The following DYM variants were observed in gnomAD, a reference collection of about 807,000 sequenced individuals.
DYM encodes the protein dyggve-Melchior-Clausen syndrome protein.
DYM carries 78 observed loss-of-function variants against 93.1 expected under a neutral mutation model. That is an observed-to-expected ratio of 0.84 (90% CI 0.70 to 1.01). The LOEUF is 1.01. DYM is among the 50% of genes least tolerant of loss of function. DYM has a pLI of 0.00. For missense variants in DYM, 789 were observed against 845.0 expected, an observed-to-expected ratio of 0.93 and a Z score of 0.82; for synonymous variants, 321 against 319.7, an observed-to-expected ratio of 1.00 and a Z score of -0.04.
intron 11 of DYM, among the ~76,000 whole-genome samples, chr18:49,259,687 T>G (rs1009826554): frequency 6.6e-6 from 1 of 152,206 alleles, no homozygotes; most frequent in South Asian, 2.1e-4. Context: ...AAGTCCATAC[T>G]CACTGAAAGA....
intron 8 of DYM, among the ~76,000 whole-genome samples, chr18:49,303,540 G>A (rs554296349): frequency 3.3e-5 from 5 of 152,252 alleles, no homozygotes; most frequent in African/African-American, 1.2e-4. Flanking sequence ...GCATTTCAGT[G>A]TATGGAATGA....
In DYM at chr18:49,219,863, C is replaced by T. The variant is rs1404298084; in HGVS notation, c.1461-10148G>A. Among the ~76,000 whole-genome samples the T allele has an allele frequency of 2.0e-5, 3 of 148,340 alleles. No individual in the cohort carries two copies. In the Admixed American group the frequency reaches 2.0e-4, roughly 10 times the overall value. On this transcript the variant is annotated intron_variant, in intron 13 of 17. Transcript: ENST00000675505. ...AACTGCCACAAGACAGGGATGCCCT[C>T]TCTCACCACTCCTATTCAACATAGT...
intron 14 of DYM, among the ~76,000 whole-genome samples, chr18:49,190,995 G>A (rs1014326280): frequency 2.0e-5 from 3 of 151,748 alleles, no homozygotes; most frequent in African/African-American, 7.3e-5. Flanking sequence ...GTCAACAGTA[G>A]GCTATTAGTA....
At chr18:49,224,087 G>C (rs764405581) in intron 13 of DYM, among the ~76,000 whole-genome samples, 21 of 152,068 alleles carry the variant, frequency 1.4e-4, no homozygotes, top group Non-Finnish European at 2.8e-4. Flanking sequence ...AAAGGAGAAT[G>C]AATGGATTTG....
chr18:49,207,796 C>G (rs1320955484), intron 14 of DYM, among the ~76,000 whole-genome samples: 1 of 144,602 alleles, frequency 6.9e-6, no homozygotes, highest in Non-Finnish European at 1.5e-5. Flanking sequence ...TAGCCAAAGC[C>G]CAAAATAGCT....
intron 14 of DYM, among the ~76,000 whole-genome samples, chr18:49,205,241 C>G (rs1340187435): frequency 6.6e-6 from 1 of 152,110 alleles, no homozygotes. Flanking sequence ...AGATTACAGG[C>G]GTGAGTCACT....
chr18:49,344,121 T>C (rs2064382963), intron 6 of DYM, among the ~76,000 whole-genome samples: 1 of 152,196 alleles, frequency 6.6e-6, no homozygotes, highest in South Asian at 2.1e-4. Flanking sequence ...CTGATGTTTT[T>C]CAAAAGTCAG....
intron 17 of DYM, among the ~76,000 whole-genome samples, chr18:49,046,298 C>T (rs1246330900): frequency 3.7e-5 from 5 of 133,404 alleles, no homozygotes; most frequent in Admixed American, 1.5e-4. Context: ...CCCAGACATG[C>T]GCGCGCACAC....
At chr18:49,372,082 T>C (rs949617293) in intron 5 of DYM, among the ~76,000 whole-genome samples, 6 of 152,210 alleles carry the variant, frequency 3.9e-5, no homozygotes, top group Admixed American at 2.6e-4. Flanking sequence ...CCCTCTACTT[T>C]TGTAAATTCG....
At position 49,375,193 on chromosome 18, in the gene DYM, GACAC is replaced by G. The variant is rs34631271; in HGVS notation, c.421+3370_421+3373del. Among the ~76,000 whole-genome samples the G allele has an allele frequency of 3.1e-3, 433 of 137,906 alleles. 4 individuals are homozygous for G. The highest frequency in any genetic ancestry group is 0.021 in the East Asian group (102 of 4,806). The allele number at this position is 137,906 out of a possible 152,430, so 90.5% of individuals were successfully genotyped here. On this transcript the variant is annotated intron_variant, in intron 5 of 17. Coordinates refer to ENST00000675505, the MANE Select transcript of DYM (RefSeq NM_001353214.3). ...AGTTACAAAGCGGGAAAGGGGAAAA[GACAC>G]ACACACACACACACACACACACACA...
At position 49,441,073 on chromosome 18, in the gene DYM, AATATTATAT is replaced by A. The variant is rs1334788654; in HGVS notation, c.-53-10635_-53-10627del. ...AATATATTTATATATATTATATATA[AATATTATAT>A]TATATATTATATATAAATATATATT... is the stretch of plus-strand genomic sequence containing the variant. On this transcript the variant is annotated intron_variant, in intron 1 of 17. Coordinates refer to ENST00000675505, the MANE Select transcript of DYM (RefSeq NM_001353214.3). Among the ~76,000 whole-genome samples, 13 of 8,608 alleles carry A rather than the reference AATATTATAT, an allele frequency of 1.5e-3. 2 individuals carry two copies. The highest frequency in any genetic ancestry group is 2.5e-3 in the Non-Finnish European group (11 of 4,366). The allele number at this position is 8,608 out of a possible 152,430, so 5.6% of individuals were successfully genotyped here.
At chr18:49,104,694 T>G (rs1341233431) in intron 16 of DYM, among the ~76,000 whole-genome samples, 1 of 152,198 alleles carries the variant, frequency 6.6e-6, no homozygotes, top group Non-Finnish European at 1.5e-5. Flanking sequence ...ATTGGTTCTG[T>G]TTATATGCTG....
At chr18:49,401,890 G>T (rs1200942230) in intron 2 of DYM, among the ~76,000 whole-genome samples, 4 of 152,016 alleles carry the variant, frequency 2.6e-5, no homozygotes, top group Non-Finnish European at 5.9e-5. Flanking sequence ...GCTGAGTGTG[G>T]TGATGCGCAC....
intron 13 of DYM, among the ~76,000 whole-genome samples, chr18:49,230,507 G>A (rs553523883): frequency 6.6e-6 from 1 of 152,136 alleles, no homozygotes; most frequent in African/African-American, 2.4e-5. Flanking sequence ...TGCCATGACA[G>A]AGACTTGTTA....
chr18:49,244,321 T>A (rs1186174159), intron 13 of DYM, among the ~76,000 whole-genome samples: 1 of 152,188 alleles, frequency 6.6e-6, no homozygotes, highest in Non-Finnish European at 1.5e-5. Flanking sequence ...ACCCCCACTA[T>A]TCACCCTCAA....
intron 8 of DYM, among the ~76,000 whole-genome samples, chr18:49,310,938 T>G (rs2061553417): frequency 6.6e-6 from 1 of 152,222 alleles, no homozygotes; most frequent in African/African-American, 2.4e-5. Context: ...TATATTTTAT[T>G]TAATCCAATA....
At chr18:49,193,409 C>G (rs534335566) in intron 14 of DYM, among the ~76,000 whole-genome samples, 1 of 152,198 alleles carries the variant, frequency 6.6e-6, no homozygotes, top group Admixed American at 6.5e-5. Context: ...CTCTTATAGA[C>G]AGCTAGTTTG....
chr18:49,261,392 T>C (rs2094487826), intron 11 of DYM, among the ~76,000 whole-genome samples: 1 of 152,204 alleles, frequency 6.6e-6, no homozygotes, highest in Non-Finnish European at 1.5e-5. Flanking sequence ...AAAGTTTGGC[T>C]GGGCATGGAG....
At chr18:49,197,469 C>T (rs1408083180) in intron 14 of DYM, among the ~76,000 whole-genome samples, 1 of 151,988 alleles carries the variant, frequency 6.6e-6, no homozygotes, top group African/African-American at 2.4e-5. Context: ...TGAAGTTTCT[C>T]AAAATGTGCC....
Sources: allele counts gnomAD v4.1 joint callset (sites outside exome capture counted in the v4.1 genomes callset), GRCh38; gene constraint gnomAD v4.1.1; transcripts MANE v1.5; gene names NCBI Gene and HGNC (gene_info 2026-07-23, HGNC 2026-07-21).